SSC4D: variants seen among roughly 807,000 people sequenced by gnomAD.
SSC4D encodes the protein scavenger receptor cysteine-rich domain-containing group B protein.
In SSC4D, 57 loss-of-function variants were observed where a neutral mutation model predicts 63.4. The observed-to-expected ratio is 0.90, with a 90% CI of 0.73 to 1.12. The LOEUF is 1.12. Among genes scored for constraint, SSC4D ranks in the 50% most tolerant of loss-of-function variants. The probability of loss-of-function intolerance (pLI) is 0.00; values close to 1 mark genes in which losing one functional copy is unlikely to be tolerated. For synonymous variants in SSC4D, 352 were observed against 345.4 expected (o/e 1.02, Z -0.21); for missense variants, 791 against 806.4 (o/e 0.98, Z 0.23).
At position 76,397,602 on chromosome 7, in the gene SSC4D, C is replaced by T. The variant is rs566830363; in HGVS notation, c.784G>A (p.Glu262Lys). Residue 262 changes from glutamate to lysine, a missense_variant, in exon 6 of 11, where the codon GAG (glutamate) becomes AAG (lysine). By Grantham distance (56) the Glu-to-Lys change is moderately conservative. Transcript: ENST00000275560. ...LLDNVHCEGG[E>K]PRLAACQSLG... ...CTCTGGCAGGCTGCCAGGCGGGGCTCGCCGCCTTCGCAGTGCACGTTGTCC... is the reference window on the plus strand; with the variant it reads ...CTCTGGCAGGCTGCCAGGCGGGGCTTGCCGCCTTCGCAGTGCACGTTGTCC... 2.2e-5 allele frequency: 36 copies of T among 1,609,526 alleles called. No homozygotes were observed. The highest frequency in any genetic ancestry group is 2.0e-4 in the Admixed American group (12 of 59,238).
In SSC4D at chr7:76,393,407, G is replaced by C; in HGVS notation, c.1331C>G (p.Ala444Gly). ...GHHEDAGALC[A>G]GPEELGLQVQ... ...CTCACCTTCGCTGTCAGCCTCACCT[G>C]CGCAGAGCGCTCCCGCGTCCTCGTG... Residue 444 changes from alanine (A) to glycine (G), a missense_variant and splice_region_variant, in exon 9 of 11, where the codon GCA (alanine) becomes GGA (glycine). Transcript: ENST00000275560. The C allele has an allele frequency of 6.8e-7, 1 of 1,461,378 alleles. No individual in the cohort carries two copies. The highest frequency in any genetic ancestry group is 9.0e-7 in the Non-Finnish European group (1 of 1,109,384). 90.5% of individuals were successfully genotyped at this position (1,461,378 alleles called of 1,614,324 possible). A position where few individuals can be genotyped will look rare whatever the true frequency, so the allele number is the denominator to read the frequency against.
Position 76,393,487 on chromosome 7 carries a change from C to G in SSC4D, c.1251G>C (p.Glu417Asp). 1.3e-6 allele frequency: 2 copies of G among 1,524,162 alleles called. No homozygotes were observed. The highest frequency in any genetic ancestry group is 1.7e-6 in the Non-Finnish European group (2 of 1,143,002). 94.4% of individuals were successfully genotyped at this position (1,524,162 alleles called of 1,614,324 possible). Residue 417 changes from glutamate (E) to aspartate (D), a missense_variant, in exon 9 of 11, where the codon GAG (glutamate) becomes GAC (aspartate). Coordinates refer to ENST00000275560, the MANE Select transcript of SSC4D (RefSeq NM_080744.2). ...LLDNVGCAGT[E>D]ARLSDCFHLG... ...GGTGGAAGCAGTCGCTCAGGCGAGC[C>G]TCGGTGCCGGCGCAGCCCACGTTGT...
In SSC4D at chr7:76,400,610, T is replaced by A; in HGVS notation, c.170-19A>T. 7.0e-7 allele frequency: 1 copy of A among 1,437,930 alleles called. No individual in the cohort carries two copies. The highest frequency in any genetic ancestry group is 9.1e-7 in the Non-Finnish European group (1 of 1,093,414). 89.1% of individuals were successfully genotyped at this position (1,437,930 alleles called of 1,614,324 possible). ...CTCAGCTCTGTGAAGAGGGTGGAGC[T>A]GGCACCAGGGGGTCACTGAGTCCAA... On this transcript the variant is annotated intron_variant, in intron 3 of 10. Transcript: ENST00000275560.
At chr7:76,397,910 T>C in intron 5 of SSC4D, 78 bp from the exon 6 acceptor site, 1 of 1,388,462 alleles carries the variant, frequency 7.2e-7, no homozygotes, top group Non-Finnish European at 9.6e-7. Flanking sequence ...CAGCCCGGTG[T>C]CCCAGGATCT....
At chr7:76,395,468 AGCGGG>A in intron 6 of SSC4D, 138 bp from the exon 7 acceptor site, 3 of 817,502 alleles carry the variant, frequency 3.7e-6, no homozygotes, top group Non-Finnish European at 5.9e-6. Flanking sequence ...GCCCAGCCGC[AGCGGG>A]GTTCCAAGGA....
At chr7:76,391,600 G>A (rs1292787323) in intron 10 of SSC4D, among the ~76,000 whole-genome samples, 3 of 151,918 alleles carry the variant, frequency 2.0e-5, no homozygotes, top group Non-Finnish European at 2.9e-5. Flanking sequence ...GCCCCAGGCC[G>A]GCTGTTTGGA....
At chr7:76,404,749 T>C (rs1445371883) in intron 1 of SSC4D, among the ~76,000 whole-genome samples, 1 of 150,714 alleles carries the variant, frequency 6.6e-6, no homozygotes, top group East Asian at 2.0e-4. Context: ...CTGGGTAACA[T>C]GGCGAAAACC....
At chr7:76,397,036 G>A (rs1197594598) in intron 6 of SSC4D, among the ~76,000 whole-genome samples, 2 of 152,142 alleles carry the variant, frequency 1.3e-5, no homozygotes, top group Non-Finnish European at 2.9e-5. Flanking sequence ...GCATTCTTGG[G>A]ATATTGCTAT....
In SSC4D at chr7:76,391,985, G is replaced by A; in HGVS notation, c.1390C>T (p.Pro464Ser). Reference sequence around the variant, plus strand: ...CTACCGTCCCTGGGCCGAGGAGTGGGCACCCGCGTGGTCTCAGAACCATCC... The same window carrying A: ...CTACCGTCCCTGGGCCGAGGAGTGGACACCCGCGTGGTCTCAGAACCATCC... ...QQDGSETTRV[P>S]TPRPRDGHLR... is the part of the protein sequence containing the mutation. The change falls in exon 10 of 11, where the codon CCC (proline) becomes TCC (serine). Residue 464 changes from proline (P) to serine (S), a missense_variant. Pro to Ser is a moderately conservative substitution (Grantham distance 74). Coordinates refer to ENST00000275560, the MANE Select transcript of SSC4D (RefSeq NM_080744.2). The A allele has an allele frequency of 6.3e-7, 1 of 1,594,918 alleles. No homozygotes were observed. Among genetic ancestry groups the A allele is most frequent in the Non-Finnish European group, 8.5e-7 (1 of 1,170,626 alleles).
At chr7:76,397,985 T>G (rs60001269) in intron 5 of SSC4D, among the ~76,000 whole-genome samples, 153 bp from the exon 6 acceptor site, 1 of 152,028 alleles carries the variant, frequency 6.6e-6, no homozygotes, top group South Asian at 2.1e-4. Context: ...AGACTGGGGG[T>G]AGCTTGTGGG....
chr7:76,402,182 A>ATTTTT (rs57389874), intron 2 of SSC4D, among the ~76,000 whole-genome samples: 10,957 of 126,996 alleles, frequency 0.086, 666 homozygotes, highest in Non-Finnish European at 0.13. Flanking sequence ...CTGCCCAGCT[A>ATTTTT]TTTTTTTTTT....
intron 10 of SSC4D, among the ~76,000 whole-genome samples, 185 bp downstream of exon 10, chr7:76,391,779 G>C (rs1051690791): frequency 2.6e-5 from 4 of 152,132 alleles, no homozygotes; most frequent in African/African-American, 9.7e-5. Context: ...GTAGTTTAAA[G>C]CTCACCTCCT....
Position 76,398,709 on chromosome 7 carries a change from T to C in SSC4D, c.553+11A>G, listed in dbSNP as rs778460695. 1.1e-5 allele frequency: 18 copies of C among 1,612,422 alleles called. No homozygotes were observed. The highest frequency in any genetic ancestry group is 1.1e-4 in the African/African-American group (8 of 74,912). On this transcript the variant is annotated intron_variant, in intron 5 of 10. Transcript: ENST00000275560. ...CAAAACCCAGGTGGTGCCCACATTA[T>C]GCTTACGTACTTTTTCCATTCGGCA...
rs376295317 is a variant in SSC4D at position 76,398,785 on chromosome 7, G to A, written c.488C>T (p.Thr163Met). 257 of 1,612,748 alleles carry A rather than the reference G, an allele frequency of 1.6e-4. 1 individual carries two copies. The South Asian group carries it at 2.5e-3, about 15-fold the overall frequency. The change falls in exon 5 of 11, where the codon ACG becomes ATG. Residue 163 changes from threonine (T) to methionine (M), a missense_variant. Transcript: ENST00000275560. ...TAACATCTTCCTTGTTGGGGGCTGC[G>A]TTGGCAAGAATTCTGGAAAGGAAGT... ...VAVLCDEFLP[T>M]QPPTRKMLTS...
chr7:76,397,892 C>A (rs771889314), intron 5 of SSC4D, 60 bp from the exon 6 acceptor site: 2 of 1,440,282 alleles, frequency 1.4e-6, no homozygotes, highest in African/African-American at 1.4e-5. Context: ...CCGTCCGCAC[C>A]GCAAGGGCAG....
chr7:76,408,425 G>A (rs76141960), intron 1 of SSC4D, among the ~76,000 whole-genome samples: 2,740 of 152,034 alleles, frequency 0.018, 86 homozygotes, highest in African/African-American at 0.062. Context: ...TGCTTGTTGT[G>A]GGGGGGCACA....
rs146084521 is a variant in SSC4D at position 76,400,389 on chromosome 7, G to A, written c.372C>T (p.Asn124=). 3.8e-4 allele frequency: 608 copies of A among 1,597,180 alleles called. 6 individuals are homozygous for A. The South Asian group carries it at 4.8e-3, about 13-fold the overall frequency. Residue 124 remains asparagine, a synonymous_variant, in exon 4 of 11, where the codon AAC becomes AAT. Transcript: ENST00000275560. ...CAGCTTCCTGCCCGCGGCACTCCAC[G>A]TTGTCCAGCAGGATGGGGCCTCGGC... ...GQGRGPILLD[N]VECRGQEAAL...
At chr7:76,402,154 G>A (rs1404404660) in intron 2 of SSC4D, among the ~76,000 whole-genome samples, 4 of 151,134 alleles carry the variant, frequency 2.6e-5, no homozygotes, top group Non-Finnish European at 5.9e-5. Context: ...AGAATAGCTG[G>A]GACAAGCTCC....
In SSC4D at chr7:76,393,391, G is replaced by C. The variant is rs775088950; in HGVS notation, c.1333+14C>G. On this transcript the variant is annotated intron_variant, in intron 9 of 10. Coordinates refer to ENST00000275560, the MANE Select transcript of SSC4D (RefSeq NM_080744.2). ...CGGCCCCGCTGTCAGCCTCACCTTC[G>C]CTGTCAGCCTCACCTGCGCAGAGCG... 7.3e-7 allele frequency: 1 copy of C among 1,370,780 alleles called. No individual in the cohort carries two copies. The highest frequency in any genetic ancestry group is 1.5e-5 in the African/African-American group (1 of 66,578). 84.9% of individuals were successfully genotyped at this position (1,370,780 alleles called of 1,614,324 possible).
Sources: allele counts gnomAD v4.1 joint callset (sites outside exome capture counted in the v4.1 genomes callset), GRCh38; gene constraint gnomAD v4.1.1; transcripts MANE v1.5; gene names NCBI Gene and HGNC (gene_info 2026-07-23, HGNC 2026-07-21).